CACNB2: variants seen among roughly 807,000 people sequenced by gnomAD.
CACNB2 encodes the protein voltage-dependent L-type calcium channel subunit beta-2.
CACNB2 carries 42 observed loss-of-function variants against 73.3 expected under a neutral mutation model. That is an observed-to-expected ratio of 0.57 (90% CI 0.45 to 0.74). The LOEUF is 0.74. Among genes scored for constraint, CACNB2 ranks in the 30% least tolerant of loss-of-function variants. The pLI is 0.00. For missense variants in CACNB2, 940 were observed against 853.0 expected (o/e 1.10, Z -1.27); for synonymous variants, 348 against 310.3 (o/e 1.12, Z -1.28).
chr10:18,286,516 T>TTAAAA (rs2038805991), intron 2 of CACNB2, among the ~76,000 whole-genome samples: 1 of 26,942 alleles, frequency 3.7e-5, no homozygotes, highest in Non-Finnish European at 6.7e-5. Context: ...AGATTCTGTC[T>TTAAAA]CAAAAAAAAA....
chr10:18,422,057 G>A (rs971287175), intron 3 of CACNB2, among the ~76,000 whole-genome samples: 9 of 152,210 alleles, frequency 5.9e-5, no homozygotes, highest in African/African-American at 1.9e-4. Flanking sequence ...CGATTTTGAT[G>A]TTCCGTTTTA....
intron 2 of CACNB2, among the ~76,000 whole-genome samples, chr10:18,303,462 G>A (rs376937308): frequency 1.3e-5 from 2 of 152,012 alleles, no homozygotes; most frequent in Non-Finnish European, 1.5e-5. Flanking sequence ...CCATGATCAC[G>A]CCACTGCAAT....
intron 3 of CACNB2, among the ~76,000 whole-genome samples, chr10:18,437,227 T>C (rs2046180113): frequency 6.6e-6 from 1 of 152,230 alleles, no homozygotes; most frequent in Admixed American, 6.5e-5. Context: ...TCTCTCCTGA[T>C]ATCCACAAGA....
chr10:18,442,026 A>G (rs2046432214), intron 3 of CACNB2, among the ~76,000 whole-genome samples: 1 of 152,218 alleles, frequency 6.6e-6, no homozygotes, highest in African/African-American at 2.4e-5. Flanking sequence ...TCGCCTCATA[A>G]TTCCTTCTAG....
chr10:18,308,748 C>T (rs191855259), intron 2 of CACNB2, among the ~76,000 whole-genome samples: 23 of 152,222 alleles, frequency 1.5e-4, no homozygotes, highest in Middle Eastern at 3.4e-3. Context: ...GAGCCAGCAA[C>T]GTTACAGAAG....
intron 2 of CACNB2, among the ~76,000 whole-genome samples, chr10:18,400,276 C>T (rs1002194620): frequency 6.6e-6 from 1 of 152,142 alleles, no homozygotes; most frequent in African/African-American, 2.4e-5. Context: ...ACCTGTGAAC[C>T]TCCTTGTGGT....
chr10:18,398,896 C>G (rs988222462), intron 2 of CACNB2, among the ~76,000 whole-genome samples: 2 of 152,072 alleles, frequency 1.3e-5, no homozygotes, highest in Non-Finnish European at 2.9e-5. Context: ...CTATTTAAAC[C>G]TGGAAACAGG....
intron 3 of CACNB2, among the ~76,000 whole-genome samples, chr10:18,453,497 A>G (rs2047115235): frequency 6.6e-6 from 1 of 152,062 alleles, no homozygotes; most frequent in Non-Finnish European, 1.5e-5. Flanking sequence ...ACTCACTGTC[A>G]TCTATGTCCC....
chr10:18,500,543 A>T (rs2050136927), intron 4 of CACNB2, among the ~76,000 whole-genome samples: 1 of 152,184 alleles, frequency 6.6e-6, no homozygotes, highest in Admixed American at 6.5e-5. Flanking sequence ...ATCCCTACTC[A>T]TGGTGACAGC....
chr10:18,334,227 T>C (rs1255021319), intron 2 of CACNB2, among the ~76,000 whole-genome samples: 1 of 152,152 alleles, frequency 6.6e-6, no homozygotes, highest in African/African-American at 2.4e-5. Flanking sequence ...AGGACAAATG[T>C]TCCACGGTGT....
intron 2 of CACNB2, among the ~76,000 whole-genome samples, chr10:18,329,206 T>C (rs1661155240): frequency 6.6e-6 from 1 of 152,214 alleles, no homozygotes; most frequent in African/African-American, 2.4e-5. Context: ...GTGTGTGTTC[T>C]TCTGGGCCAG....
Position 18,543,448 on chromosome 10 carries a change from A to T in CACNB2, c.*3724A>T, listed in dbSNP as rs2133356525. On this transcript the variant is annotated 3_prime_UTR_variant, in exon 14 of 14. Transcript: ENST00000324631. ...TGTACTTTGCTTCATTATTTAAAAC[A>T]TGACACAGGGTTTTAAAGTAAATGT... 6.6e-6 allele frequency: 1 copy of T among 152,356 alleles called. No homozygotes were observed. The highest frequency in any genetic ancestry group is 6.5e-5 in the Admixed American group (1 of 15,308). 9.4% of individuals were successfully genotyped at this position (152,356 alleles called of 1,614,324 possible).
intron 8 of CACNB2, 67 bp downstream of exon 8, chr10:18,518,483 C>A: frequency 9.5e-7 from 1 of 1,049,570 alleles, no homozygotes; most frequent in Non-Finnish European, 1.5e-6. Flanking sequence ...CTGCCTCCTA[C>A]TCCCGACCCT....
intron 2 of CACNB2, among the ~76,000 whole-genome samples, chr10:18,393,108 C>G (rs2043556035): frequency 6.6e-6 from 1 of 151,634 alleles, no homozygotes; most frequent in African/African-American, 2.4e-5. Flanking sequence ...ACTCAGGAAG[C>G]TGAGGCAGGA....
intron 2 of CACNB2, among the ~76,000 whole-genome samples, chr10:18,359,425 C>A (rs551821973): frequency 6.6e-6 from 1 of 152,178 alleles, no homozygotes; most frequent in Non-Finnish European, 1.5e-5. Flanking sequence ...GTGTGTGCCA[C>A]CATGCCCGGC....
chr10:18,267,058 C>G (rs16917121), intron 2 of CACNB2, among the ~76,000 whole-genome samples: 25,120 of 151,974 alleles, frequency 0.17, 2,247 homozygotes, highest in African/African-American at 0.21. Flanking sequence ...CTCCTTAAAT[C>G]ACTCAGAGCT....
rs1235384867 is a variant in CACNB2 at position 18,540,067 on chromosome 10, G to C, written c.*343G>C. The C allele has an allele frequency of 4.5e-6, 1 of 223,014 alleles. No homozygotes were observed. The highest frequency in any genetic ancestry group is 2.3e-5 in the African/African-American group (1 of 43,388). The allele number at this position is 223,014 out of a possible 1,614,324, so 13.8% of individuals were successfully genotyped here. On this transcript the variant is annotated 3_prime_UTR_variant, in exon 14 of 14. Coordinates refer to ENST00000324631, the MANE Select transcript of CACNB2 (RefSeq NM_201596.3). ...TGTAGTTGATGTATCCAACAAGCCA[G>C]AATCAGCACAGATAAAAAGTGGAAT...
In CACNB2 at chr10:18,506,519, T is replaced by A. The variant is rs775386525; in HGVS notation, c.642T>A (p.Ser214Arg). Residue 214 changes from serine to arginine, a missense_variant, in exon 6 of 14, where the codon AGT becomes AGA. Coordinates refer to ENST00000324631, the MANE Select transcript of CACNB2 (RefSeq NM_201596.3). ...CCAGTTTGGGTGACATAGTACCTAG[T>A]TCCAGAAAATCAACACCTCCATCAT... ...SSSSLGDIVP[S>R]SRKSTPPSSA... 1.2e-6 allele frequency: 2 copies of A among 1,611,446 alleles called. No homozygotes were observed. The highest frequency in any genetic ancestry group is 1.7e-6 in the Non-Finnish European group (2 of 1,177,666).
chr10:18,198,004 T>C (rs1330208423), intron 2 of CACNB2, among the ~76,000 whole-genome samples: 1 of 148,150 alleles, frequency 6.7e-6, no homozygotes, highest in Non-Finnish European at 1.5e-5. Context: ...TTGTATATTA[T>C]ATATTAGTAA....
Sources: gnomAD v4.1 joint callset for allele counts (sites outside exome capture counted in the v4.1 genomes callset) on GRCh38, gnomAD v4.1.1 for gene constraint, MANE v1.5 for transcripts, NCBI Gene and HGNC (gene_info 2026-07-23, HGNC 2026-07-21) for gene names.